Variants in FYB2 observed in about 807,000 individuals in gnomAD.
The protein encoded by FYB2 is FYN binding protein 2.
Under a neutral mutation model 94.1 loss-of-function variants are expected in FYB2, and 103 were observed. That is an observed-to-expected ratio of 1.09 (90% confidence interval 0.93 to 1.29). The LOEUF is 1.29. Ranked by LOEUF, FYB2 falls within the 50% of genes most tolerant of loss-of-function variation. The probability of loss-of-function intolerance (pLI) is 0.00; values close to 1 mark genes in which losing one functional copy is unlikely to be tolerated. For missense variants in FYB2, 896 were observed against 841.5 expected, an observed-to-expected ratio of 1.06 and a Z score of -0.80; for synonymous variants, 293 against 287.9, an observed-to-expected ratio of 1.02 and a Z score of -0.18.
chr1:56,820,997 ACT>A (rs1334427937), upstream of FYB2, among the ~76,000 whole-genome samples: 2 of 152,024 alleles, frequency 1.3e-5, no homozygotes, highest in Non-Finnish European at 2.9e-5. Context: ...TGCTGTGTAG[ACT>A]CTGCTCCCAG....
chr1:56,811,854 T>C (rs1488436432), intron 1 of FYB2, among the ~76,000 whole-genome samples: 1 of 152,234 alleles, frequency 6.6e-6, no homozygotes, highest in Non-Finnish European at 1.5e-5. Context: ...CCTGTTAATC[T>C]TTTAAAAGTT....
intron 15 of FYB2, chr1:56,731,946 T>C (rs1644720891): frequency 6.6e-6 from 1 of 151,990 alleles, no homozygotes; most frequent in South Asian, 2.1e-4. Context: ...GCCCACTCTC[T>C]CCATTCTTAT....
chr1:56,757,657 CTTTTT>C, intron 6 of FYB2, among the ~76,000 whole-genome samples: 1 of 143,898 alleles, frequency 6.9e-6, no homozygotes. Context: ...TTCTTTCTTT[CTTTTT>C]CTTTCTTTCC....
chr1:56,822,787 G>A (rs1462136336), upstream of FYB2, among the ~76,000 whole-genome samples: 1 of 150,532 alleles, frequency 6.6e-6, no homozygotes, highest in Non-Finnish European at 1.5e-5. Flanking sequence ...ATCTGAAAAT[G>A]GGAAATCACG....
At chr1:56,744,400 G>T in intron 9 of FYB2, 134 bp from the exon 10 acceptor site, 1 of 656,904 alleles carries the variant, frequency 1.5e-6, no homozygotes, top group Non-Finnish European at 2.7e-6. Flanking sequence ...TACAGTCTTG[G>T]TATGTATGAT....
chr1:56,752,217 G>A (rs1645216447), intron 8 of FYB2, among the ~76,000 whole-genome samples: 1 of 151,988 alleles, frequency 6.6e-6, no homozygotes, highest in Non-Finnish European at 1.5e-5. Flanking sequence ...AAAGCAAAGA[G>A]TTTGGGCTTT....
At chr1:56,760,767 T>C (rs978109544) in intron 5 of FYB2, among the ~76,000 whole-genome samples, 3 of 152,150 alleles carry the variant, frequency 2.0e-5, no homozygotes, top group African/African-American at 4.8e-5. Flanking sequence ...TAAACAAAGA[T>C]AATACACATT....
At chr1:56,780,378 A>G (rs1484191697) in intron 4 of FYB2, among the ~76,000 whole-genome samples, 3 of 152,168 alleles carry the variant, frequency 2.0e-5, no homozygotes, top group Admixed American at 1.3e-4. Context: ...ACCTGCTCAA[A>G]GCATATCCAG....
intron 18 of FYB2, 34 bp downstream of exon 18, chr1:56,720,135 AGAAT>A (rs1644458060): frequency 1.3e-6 from 2 of 1,584,794 alleles, no homozygotes; most frequent in Admixed American, 1.9e-5. Flanking sequence ...TTTTTTAAAA[AGAAT>A]GAAATATTAT....
chr1:56,820,281 C>T (rs7523884), upstream of FYB2, among the ~76,000 whole-genome samples: 2,721 of 151,696 alleles, frequency 0.018, 85 homozygotes, highest in African/African-American at 0.062. Context: ...TAACACCTGC[C>T]CATGGTCACA....
the FYB2 span, chr1:56,826,793 C>T: frequency 6.6e-6 from 1 of 152,270 alleles, no homozygotes; most frequent in Non-Finnish European, 1.5e-5. Flanking sequence ...TTCTGAGGAT[C>T]TTCAAAGGCA....
intron 8 of FYB2, among the ~76,000 whole-genome samples, chr1:56,751,997 TTGAC>T (rs1645210450): frequency 6.6e-6 from 1 of 151,782 alleles, no homozygotes; most frequent in South Asian, 2.1e-4. Flanking sequence ...CAGTAGGAGA[TTGAC>T]AGAGTGGATA....
At chr1:56,741,485 A>G (rs879891954) in intron 12 of FYB2, among the ~76,000 whole-genome samples, 7 of 152,086 alleles carry the variant, frequency 4.6e-5, no homozygotes, top group Non-Finnish European at 8.8e-5. Flanking sequence ...GATGATTACA[A>G]TTCTGTCAAA....
At chr1:56,816,374 T>C (rs575581001) in intron 1 of FYB2, among the ~76,000 whole-genome samples, 3 of 152,284 alleles carry the variant, frequency 2.0e-5, no homozygotes, top group East Asian at 1.9e-4. Flanking sequence ...CCAGAAAGTA[T>C]TGGGGTAGAG....
At chr1:56,805,922 T>C (rs1646636228) in intron 1 of FYB2, among the ~76,000 whole-genome samples, 1 of 152,192 alleles carries the variant, frequency 6.6e-6, no homozygotes, top group Non-Finnish European at 1.5e-5. Flanking sequence ...CTGTATAAAT[T>C]ACCCAGTCTT....
chr1:56,738,315 G>A (rs780862779), intron 14 of FYB2, among the ~76,000 whole-genome samples: 2 of 152,040 alleles, frequency 1.3e-5, no homozygotes, highest in Non-Finnish European at 2.9e-5. Flanking sequence ...AGAGAGCCTG[G>A]AATACAAATC....
chr1:56,823,359 G>T (rs181623326), upstream of FYB2, among the ~76,000 whole-genome samples: 181 of 152,226 alleles, frequency 1.2e-3, 1 homozygote, highest in African/African-American at 4.1e-3. Context: ...AGAAGACAGG[G>T]CAGGTGGGAA....
chr1:56,742,166 C>A lies in FYB2; in HGVS notation c.1599G>T (p.Lys533Asn). The stretch of plus-strand genomic sequence containing the variant: ...CAAGAAAGAGAGAAACTCACTCTAT[C>A]TTTGGGTAGTTGTTCTTTGTTTTGT... ...DVYKTKNNYP[K>N]IDLDGKEALK... Residue 533 changes from lysine to asparagine, a missense_variant, in exon 12 of 20, where the codon AAG (lysine) becomes AAT (asparagine). Lys to Asn is a moderately conservative substitution (Grantham distance 94). Coordinates refer to ENST00000343433, the MANE Select transcript of FYB2 (RefSeq NM_001004303.5). 6.2e-7 allele frequency: 1 copy of A among 1,605,054 alleles called. No homozygotes were observed. The highest frequency in any genetic ancestry group is 8.5e-7 in the Non-Finnish European group (1 of 1,173,480).
intron 2 of FYB2, among the ~76,000 whole-genome samples, chr1:56,790,392 T>C (rs1646232796): frequency 6.6e-6 from 1 of 152,212 alleles, no homozygotes; most frequent in African/African-American, 2.4e-5. Flanking sequence ...GAAGACATAG[T>C]GAATACTAAT....
Sources: allele counts gnomAD v4.1 joint callset (sites outside exome capture counted in the v4.1 genomes callset), GRCh38; gene constraint gnomAD v4.1.1; transcripts MANE v1.5; gene names NCBI Gene and HGNC (gene_info 2026-07-23, HGNC 2026-07-21).